POLN: variants seen among roughly 807,000 people sequenced by gnomAD.
POLN encodes DNA polymerase N.
A neutral mutation model predicts 113.5 loss-of-function variants in POLN; 108 were observed. That is an observed-to-expected ratio of 0.95 (90% CI 0.81 to 1.12). POLN has a LOEUF of 1.12. Ranked by LOEUF, POLN falls within the 50% of genes most tolerant of loss-of-function variation. The pLI, the probability that POLN is intolerant of heterozygous loss-of-function variation, is 0.00. For synonymous variants in POLN, 386 were observed against 391.5 expected, an observed-to-expected ratio of 0.99 and a Z score of 0.17; for missense variants, 1,097 against 1,077.1, an observed-to-expected ratio of 1.02 and a Z score of -0.26.
intron 19 of POLN, among the ~76,000 whole-genome samples, chr4:2,117,330 A>C (rs1731341895): frequency 1.3e-5 from 2 of 152,146 alleles, no homozygotes; most frequent in South Asian, 4.1e-4. Context: ...GGTAATAAAT[A>C]TTTTTTAATA....
chr4:2,210,472 T>A lies in POLN; in HGVS notation c.214-1985A>T, dbSNP rs142854765. ...GTCATGTGCCTACGGTCCCAGCTAC[T>A]CAGGAGGCTGAGGTGGGAGGATCAC... On this transcript the variant is annotated intron_variant, in intron 4 of 25. Transcript: ENST00000511885. Among the ~76,000 whole-genome samples the A allele has an allele frequency of 2.1e-3, 314 of 151,614 alleles. 1 individual carries two copies. The highest frequency in any genetic ancestry group is 7.2e-3 in the African/African-American group (299 of 41,362).
chr4:2,110,496 G>C lies in POLN; in HGVS notation c.1983-14563C>G, dbSNP rs1731165203. ...AACAAAATTGATAGACTGCTAGCAA[G>C]ACTAATAAAGAAGAAAAGAGAGAAG... On this transcript the variant is annotated intron_variant, in intron 19 of 25. Transcript: ENST00000511885. Among the ~76,000 whole-genome samples, 5 of 152,066 alleles carry C rather than the reference G, an allele frequency of 3.3e-5. No homozygotes were observed. In the South Asian group the frequency reaches 1.0e-3, roughly 32 times the overall value.
intron 21 of POLN, among the ~76,000 whole-genome samples, chr4:2,082,261 T>C (rs1234060004): frequency 6.6e-6 from 1 of 152,152 alleles, no homozygotes; most frequent in Non-Finnish European, 1.5e-5. Context: ...GGCCACACTC[T>C]GCACTCTCAG....
At chr4:2,082,186 C>A (rs893459973) in intron 21 of POLN, among the ~76,000 whole-genome samples, 1 of 152,052 alleles carries the variant, frequency 6.6e-6, no homozygotes, top group East Asian at 1.9e-4. Flanking sequence ...GAACTCCTGA[C>A]CTCAGGTGAT....
At chr4:2,087,122 A>C (rs1415541982) in intron 20 of POLN, among the ~76,000 whole-genome samples, 1 of 152,146 alleles carries the variant, frequency 6.6e-6, no homozygotes, top group Non-Finnish European at 1.5e-5. Flanking sequence ...TGTTCTCCCA[A>C]AGTTTATCCC....
chr4:2,160,314 T>C (rs1732548410), intron 13 of POLN, among the ~76,000 whole-genome samples: 1 of 152,266 alleles, frequency 6.6e-6, no homozygotes. Flanking sequence ...TGTCTTTTTC[T>C]CCTTGGGTTG....
intron 2 of POLN, chr4:2,236,148 C>T (rs949680657): frequency 1.9e-5 from 15 of 771,372 alleles, no homozygotes; most frequent in Non-Finnish European, 3.1e-5. Flanking sequence ...ATATTTTCCT[C>T]ATGTTAACAT....
At chr4:2,181,317 G>GT (rs560976709) in intron 7 of POLN, among the ~76,000 whole-genome samples, 122 of 151,472 alleles carry the variant, frequency 8.1e-4, no homozygotes, top group South Asian at 3.3e-3. Context: ...GCTAATTTTT[G>GT]TTTTTTTTAG....
chr4:2,099,188 A>G (rs1031680312), intron 19 of POLN, among the ~76,000 whole-genome samples: 1 of 152,250 alleles, frequency 6.6e-6, no homozygotes, highest in Non-Finnish European at 1.5e-5. Flanking sequence ...GTTCTTAAGA[A>G]GACAAAGGGT....
intron 4 of POLN, among the ~76,000 whole-genome samples, chr4:2,209,657 CTTTT>C (rs1175117439): frequency 9.2e-5 from 10 of 108,400 alleles, no homozygotes; most frequent in African/African-American, 3.6e-4. Flanking sequence ...TTTCCTTTTC[CTTTT>C]TTTTTTTTTT....
At chr4:2,239,303 T>A (rs1036669120) in intron 2 of POLN, among the ~76,000 whole-genome samples, 1 of 152,206 alleles carries the variant, frequency 6.6e-6, no homozygotes, top group Admixed American at 6.5e-5. Context: ...TTATACTTCT[T>A]TTAATCAGAA....
chr4:2,157,434 T>C (rs2108740433), intron 15 of POLN, among the ~76,000 whole-genome samples: 1 of 152,156 alleles, frequency 6.6e-6, no homozygotes, highest in South Asian at 2.1e-4. Context: ...TCAAGAATAT[T>C]AGATTATTTC....
Position 2,231,114 on chromosome 4 carries a change from AG to A in POLN, c.-12-1872del, listed in dbSNP as rs1192848197. ...CTCTAAAATGAATGCAGGCAGGCCA[AG>A]GAAGTCCTAATACTCTGTGGTACAA... On this transcript the variant is annotated intron_variant, in intron 2 of 25. Transcript: ENST00000511885. 15 of 152,262 alleles carry A rather than the reference AG, an allele frequency of 9.9e-5. No individual in the cohort carries two copies. In the South Asian group the frequency reaches 1.4e-3, roughly 15 times the overall value. The allele number at this position is 152,262 out of a possible 1,614,324, so 9.4% of individuals were successfully genotyped here.
chr4:2,110,889 A>G (rs1027050836), intron 19 of POLN, among the ~76,000 whole-genome samples: 2 of 152,248 alleles, frequency 1.3e-5, no homozygotes, highest in African/African-American at 4.8e-5. Flanking sequence ...AACTCATTTT[A>G]TGAGGCCAGC....
At chr4:2,190,023 CAAAAAAA>C (rs58730240) in intron 7 of POLN, among the ~76,000 whole-genome samples, 1 of 86,136 alleles carries the variant, frequency 1.2e-5, no homozygotes. Flanking sequence ...GACTCCATCT[CAAAAAAA>C]AAAAAAAAAA....
At chr4:2,083,728 G>A (rs1406972186) in intron 21 of POLN, among the ~76,000 whole-genome samples, 1 of 152,228 alleles carries the variant, frequency 6.6e-6, no homozygotes, top group Non-Finnish European at 1.5e-5. Context: ...AGAAAGCAGG[G>A]GACCACAGGA....
At chr4:2,238,591 G>T in intron 2 of POLN, 1 of 1,460,680 alleles carries the variant, frequency 6.8e-7, no homozygotes, top group Non-Finnish European at 9.2e-7. Flanking sequence ...AAGAAACAAT[G>T]AAGCATACGT....
At chr4:2,176,155 A>C (rs1732989731) in intron 9 of POLN, 111 bp downstream of exon 9, 2 of 839,614 alleles carry the variant, frequency 2.4e-6, no homozygotes, top group East Asian at 5.0e-5. Flanking sequence ...TTGTTCTTAG[A>C]ACTCAACGTT....
At chr4:2,190,902 A>G (rs1281253851) in intron 7 of POLN, among the ~76,000 whole-genome samples, 1 of 152,242 alleles carries the variant, frequency 6.6e-6, no homozygotes, top group Admixed American at 6.5e-5. Flanking sequence ...GAGAAAGGGG[A>G]ACCCTCATAC....
Sources: allele counts gnomAD v4.1 joint callset (sites outside exome capture counted in the v4.1 genomes callset), GRCh38; gene constraint gnomAD v4.1.1; transcripts MANE v1.5; gene names NCBI Gene and HGNC (gene_info 2026-07-23, HGNC 2026-07-21).